PPA2: variants seen among roughly 807,000 people sequenced by gnomAD.
The protein encoded by PPA2 is inorganic pyrophosphatase 2, mitochondrial.
A neutral mutation model predicts 49.5 loss-of-function variants in PPA2; 48 were observed. The ratio of observed to expected loss-of-function variants is 0.97; its 90% CI spans 0.77 to 1.23. The LOEUF is 1.23. PPA2 is among the 50% of genes most tolerant of loss of function. The probability of loss-of-function intolerance (pLI) is 0.00; values close to 1 mark genes in which losing one functional copy is unlikely to be tolerated. For missense variants in PPA2, 429 were observed against 410.1 expected (o/e 1.05, Z -0.40); for synonymous variants, 131 against 139.9 (o/e 0.94, Z 0.45).
intron 1 of PPA2, among the ~76,000 whole-genome samples, chr4:105,468,064 C>G (rs1723378798): frequency 1.3e-5 from 2 of 152,240 alleles, no homozygotes; most frequent in South Asian, 4.1e-4. Context: ...TGGGCCAAAT[C>G]TGTCACATGG....
chr4:105,408,875 C>T (rs1035982013), intron 7 of PPA2, among the ~76,000 whole-genome samples: 7 of 152,166 alleles, frequency 4.6e-5, no homozygotes, highest in African/African-American at 1.4e-4. Context: ...TTAAAGATAC[C>T]AAAAATCCTT....
At chr4:105,404,923 A>T (rs1454287040) in intron 7 of PPA2, among the ~76,000 whole-genome samples, 4 of 152,088 alleles carry the variant, frequency 2.6e-5, no homozygotes, top group African/African-American at 9.7e-5. Flanking sequence ...CTACTAAAAA[A>T]ATACAAAAAA....
At chr4:105,427,666 AG>A (rs981276519) in intron 6 of PPA2, among the ~76,000 whole-genome samples, 8 of 152,236 alleles carry the variant, frequency 5.3e-5, no homozygotes, top group African/African-American at 1.9e-4. Flanking sequence ...GTGAAAAGAA[AG>A]GAACAAAGCC....
At chr4:105,404,631 G>A (rs1420691034) in intron 7 of PPA2, among the ~76,000 whole-genome samples, 2 of 152,160 alleles carry the variant, frequency 1.3e-5, no homozygotes, top group Non-Finnish European at 2.9e-5. Flanking sequence ...GGTTGTCATG[G>A]GGATTAAATA....
intron 7 of PPA2, among the ~76,000 whole-genome samples, chr4:105,408,850 G>A (rs1303367965): frequency 1.3e-5 from 2 of 152,210 alleles, no homozygotes; most frequent in African/African-American, 2.4e-5. Flanking sequence ...AACAACTGAT[G>A]TAAAAATTAA....
At chr4:105,444,443 T>C (rs1057439576) in intron 5 of PPA2, among the ~76,000 whole-genome samples, 3 of 152,082 alleles carry the variant, frequency 2.0e-5, no homozygotes, top group Non-Finnish European at 4.4e-5. Context: ...TTGGATGGAG[T>C]ATGAAACTTA....
chr4:105,426,524 G>A (rs1459281589), intron 6 of PPA2, among the ~76,000 whole-genome samples: 1 of 152,256 alleles, frequency 6.6e-6, no homozygotes, highest in Non-Finnish European at 1.5e-5. Context: ...GACAGACCAG[G>A]AGATCCCCTC....
At position 105,453,603 on chromosome 4, in the gene PPA2, A is replaced by G. The variant is rs780237798; in HGVS notation, c.262T>C (p.Tyr88His). ...IPMKKARNDE[Y>H]ENLFNMIVEI... is the part of the protein sequence containing the mutation. ...ATAAAAACCTTTGGATATACCTCAT[A>G]TTCATCATTTCGTGCTTTCTTCATA... The change falls in exon 3 of 12, where the codon TAT becomes CAT. Residue 88 changes from tyrosine to histidine, a missense_variant. Coordinates refer to ENST00000341695, the MANE Select transcript of PPA2 (RefSeq NM_176869.3). 11 of 1,604,642 alleles carry G rather than the reference A, an allele frequency of 6.9e-6. No individual in the cohort carries two copies. The highest frequency in any genetic ancestry group is 1.7e-5 in the Admixed American group (1 of 58,966).
intron 1 of PPA2, among the ~76,000 whole-genome samples, chr4:105,463,148 G>C (rs1723162044): frequency 6.6e-6 from 1 of 152,214 alleles, no homozygotes; most frequent in Non-Finnish European, 1.5e-5. Flanking sequence ...ACTCCCGAGA[G>C]ACTTGTTAAG....
chr4:105,453,204 A>G (rs982975078), intron 3 of PPA2, among the ~76,000 whole-genome samples: 1 of 152,208 alleles, frequency 6.6e-6, no homozygotes, highest in Non-Finnish European at 1.5e-5. Flanking sequence ...AGTCAAATTC[A>G]TAAGACAGAA....
intron 7 of PPA2, chr4:105,405,607 TA>T: frequency 2.0e-6 from 2 of 1,009,116 alleles, no homozygotes; most frequent in African/African-American, 1.7e-5. Flanking sequence ...TATCAGCAAA[TA>T]AAAAGACTCC....
intron 7 of PPA2, among the ~76,000 whole-genome samples, chr4:105,421,982 G>A (rs536078772): frequency 6.6e-6 from 1 of 152,210 alleles, no homozygotes; most frequent in South Asian, 2.1e-4. Flanking sequence ...GGCGGTGGTT[G>A]CAGTGAGCTG....
In PPA2 at chr4:105,446,581, TCTG is replaced by T. The variant is rs569144245; in HGVS notation, c.322-82_322-80del. On this transcript the variant is annotated intron_variant, in intron 4 of 11. Transcript: ENST00000341695. ...TATGTCCAAATAGTACTTTTAAAAA[TCTG>T]CTATTTTCAGACTAAACATTCATAT... is the stretch of plus-strand genomic sequence containing the variant. 160 of 1,445,234 alleles carry T rather than the reference TCTG, an allele frequency of 1.1e-4. No individual in the cohort carries two copies. The African/African-American group carries it at 2.2e-3, about 20-fold the overall frequency. The allele number at this position is 1,445,234 out of a possible 1,614,324, so 89.5% of individuals were successfully genotyped here.
At chr4:105,386,673 T>C (rs1285787218) in intron 9 of PPA2, 37 bp from the exon 10 acceptor site, 2 of 1,577,956 alleles carry the variant, frequency 1.3e-6, no homozygotes, top group Non-Finnish European at 1.7e-6. Flanking sequence ...TTAAACAGGA[T>C]AAAAAGAAAC....
chr4:105,392,918 G>T (rs1368444347), intron 9 of PPA2, among the ~76,000 whole-genome samples: 2 of 152,126 alleles, frequency 1.3e-5, no homozygotes, highest in African/African-American at 4.8e-5. Flanking sequence ...GAGAGTACTG[G>T]CATTTCAACT....
intron 10 of PPA2, among the ~76,000 whole-genome samples, chr4:105,374,612 T>C (rs1284241386): frequency 6.6e-6 from 1 of 152,164 alleles, no homozygotes; most frequent in Non-Finnish European, 1.5e-5. Flanking sequence ...CTCAAATAAC[T>C]CTACCAGGTC....
At chr4:105,409,512 T>A (rs941593769) in intron 7 of PPA2, among the ~76,000 whole-genome samples, 1 of 152,368 alleles carries the variant, frequency 6.6e-6, no homozygotes, top group Admixed American at 6.5e-5. Context: ...TAAATGTCCC[T>A]GTCTGATAGC....
chr4:105,435,377 G>C (rs1328994677), intron 6 of PPA2, among the ~76,000 whole-genome samples: 2 of 152,120 alleles, frequency 1.3e-5, no homozygotes, highest in African/African-American at 2.4e-5. Context: ...TTTTCACCCA[G>C]ATACAAGAAA....
chr4:105,392,419 T>C (rs1444381313), intron 9 of PPA2, among the ~76,000 whole-genome samples: 1 of 152,058 alleles, frequency 6.6e-6, no homozygotes, highest in East Asian at 1.9e-4. Flanking sequence ...ATGCCTGTAA[T>C]CCCCGCACTT....
Sources: allele counts gnomAD v4.1 joint callset (sites outside exome capture counted in the v4.1 genomes callset), GRCh38; gene constraint gnomAD v4.1.1; transcripts MANE v1.5; gene names NCBI Gene and HGNC (gene_info 2026-07-23, HGNC 2026-07-21).